Variants in FREM1 observed in about 807,000 individuals in gnomAD.
FREM1 encodes the protein FRAS1 related extracellular matrix 1.
In FREM1, 220 loss-of-function variants were observed where a neutral mutation model predicts 210.1. The observed-to-expected ratio is 1.05, with a 90% CI of 0.94 to 1.17. FREM1 has a LOEUF of 1.17. Among genes scored for constraint, FREM1 ranks in the 50% most tolerant of loss-of-function variants. The probability of loss-of-function intolerance (pLI) is 0.00; values close to 1 mark genes in which losing one functional copy is unlikely to be tolerated. For synonymous variants in FREM1, 1,189 were observed against 980.2 expected (o/e 1.21, Z -3.98); for missense variants, 3,454 against 2,675.5 (o/e 1.29, Z -6.42).
chr9:14,766,671 G>T (rs541540566), intron 27 of FREM1, among the ~76,000 whole-genome samples: 1 of 152,198 alleles, frequency 6.6e-6, no homozygotes, highest in African/African-American at 2.4e-5. Context: ...CTGAACATGG[G>T]TCCTTCCCGT....
At chr9:14,743,575 C>T (rs2131930644) in intron 35 of FREM1, among the ~76,000 whole-genome samples, 1 of 152,132 alleles carries the variant, frequency 6.6e-6, no homozygotes, top group South Asian at 2.1e-4. Context: ...TTATTTTTCT[C>T]ATACATTAAG....
At chr9:14,799,267 C>T (rs1171267327) in intron 20 of FREM1, among the ~76,000 whole-genome samples, 1 of 149,162 alleles carries the variant, frequency 6.7e-6, no homozygotes, top group Non-Finnish European at 1.5e-5. Context: ...GCCTAAGTGA[C>T]AGTGCAAGAC....
intron 6 of FREM1, among the ~76,000 whole-genome samples, chr9:14,850,767 G>C (rs1827569076): frequency 6.6e-6 from 1 of 152,144 alleles, no homozygotes; most frequent in Non-Finnish European, 1.5e-5. Context: ...GTAAACAAAA[G>C]TCATCTCTAA....
chr9:14,746,832 G>A, intron 34 of FREM1, 91 bp downstream of exon 34: 2 of 1,408,458 alleles, frequency 1.4e-6, no homozygotes, highest in Non-Finnish European at 1.9e-6. Context: ...TGTAGCATGG[G>A]TTGAGTCATG....
At position 14,841,458 on chromosome 9, in the gene FREM1, A is replaced by C. The variant is rs749231660; in HGVS notation, c.1870T>G (p.Ser624Ala). 1.2e-6 allele frequency: 2 copies of C among 1,605,494 alleles called. No homozygotes were observed. Among genetic ancestry groups the C allele is most frequent in the Non-Finnish European group, 1.7e-6 (2 of 1,174,266 alleles). The stretch of plus-strand genomic sequence containing the variant: ...AAACAGTCTCTTACCTGTGGCACTG[A>C]AAGATTTGGAGGTTCATGGCTGTCC... Reference protein sequence around the residue: ...LWDSHEPPNLSVPQVATIHIT... With the variant: ...LWDSHEPPNLAVPQVATIHIT... The change falls in exon 10 of 37, where the codon TCA (serine) becomes GCA (alanine). Residue 624 changes from serine (S) to alanine (A), a missense_variant. Coordinates refer to ENST00000380880, the MANE Select transcript of FREM1 (RefSeq NM_001379081.2).
intron 1 of FREM1, among the ~76,000 whole-genome samples, chr9:14,891,042 G>T (rs559280737): frequency 7.9e-5 from 12 of 152,274 alleles, no homozygotes; most frequent in African/African-American, 2.6e-4. Context: ...GACCTACCGT[G>T]GGCATGTACC....
chr9:14,887,458 T>C (rs138015977), intron 1 of FREM1, among the ~76,000 whole-genome samples: 1 of 152,192 alleles, frequency 6.6e-6, no homozygotes, highest in Non-Finnish European at 1.5e-5. Context: ...AAGACACAAC[T>C]GTAAAGCAGA....
intron 28 of FREM1, among the ~76,000 whole-genome samples, chr9:14,757,746 C>T (rs10738377): frequency 1.3e-5 from 2 of 152,080 alleles, no homozygotes; most frequent in East Asian, 3.9e-4. Context: ...ATTCCTACTT[C>T]TATGGCCTCA....
chr9:14,818,546 C>T (rs780845225), intron 14 of FREM1, among the ~76,000 whole-genome samples: 3 of 152,116 alleles, frequency 2.0e-5, no homozygotes, highest in South Asian at 2.1e-4. Flanking sequence ...TGGGTCTACC[C>T]GACCATTGCT....
At position 14,770,683 on chromosome 9, in the gene FREM1, G is replaced by C; in HGVS notation, c.4981C>G (p.Pro1661Ala). Reference protein sequence around the residue: ...ITSRVLKASDPDTEDDQIIFK... With the variant: ...ITSRVLKASDADTEDDQIIFK... ...ATGATCTGATCGTCCTCAGTGTCAG[G>C]GTCTGATGCCTTCAACACGCGGGAA... The change falls in exon 26 of 37, where the codon CCT becomes GCT. Residue 1661 changes from proline to alanine, a missense_variant. By Grantham distance (27) the Pro-to-Ala change is conservative. Transcript: ENST00000380880. 6.2e-7 allele frequency: 1 copy of C among 1,613,420 alleles called. No homozygotes were observed. Among genetic ancestry groups the C allele is most frequent in the Admixed American group, 1.7e-5 (1 of 59,990 alleles).
chr9:14,815,237 G>A (rs1820093617), intron 15 of FREM1, among the ~76,000 whole-genome samples: 1 of 152,294 alleles, frequency 6.6e-6, no homozygotes, highest in African/African-American at 2.4e-5. Context: ...GTAACAAAGA[G>A]TGGAGATGCC....
chr9:14,757,309 C>G (rs1292541020), intron 28 of FREM1, among the ~76,000 whole-genome samples: 2 of 152,236 alleles, frequency 1.3e-5, no homozygotes, highest in African/African-American at 4.8e-5. Context: ...AATCCCAGCA[C>G]TCTGGGAGGC....
intron 10 of FREM1, among the ~76,000 whole-genome samples, chr9:14,825,832 G>A (rs900525216): frequency 4.0e-5 from 6 of 151,748 alleles, no homozygotes; most frequent in Admixed American, 3.3e-4. Flanking sequence ...CACATCCCAC[G>A]CCCAAGTGTC....
intron 24 of FREM1, among the ~76,000 whole-genome samples, chr9:14,777,498 G>C (rs1410478899): frequency 1.3e-5 from 2 of 152,060 alleles, no homozygotes; most frequent in Admixed American, 1.3e-4. Context: ...ATGTACCATA[G>C]TTGCTGGAAA....
chr9:14,829,249 G>A (rs1231817119), intron 10 of FREM1, among the ~76,000 whole-genome samples: 1 of 152,108 alleles, frequency 6.6e-6, no homozygotes, highest in African/African-American at 2.4e-5. Flanking sequence ...TTGCCAAACA[G>A]CTTTTATTAT....
At chr9:14,792,088 C>T (rs765936637) in intron 22 of FREM1, among the ~76,000 whole-genome samples, 7 of 152,124 alleles carry the variant, frequency 4.6e-5, no homozygotes, top group Non-Finnish European at 1.0e-4. Context: ...TGTGATCCGC[C>T]CACCTTGGCC....
chr9:14,907,581 G>A (rs1189959797), intron 1 of FREM1, among the ~76,000 whole-genome samples: 1 of 152,210 alleles, frequency 6.6e-6, no homozygotes, highest in African/African-American at 2.4e-5. Flanking sequence ...ACCTGGCGCA[G>A]GGAAACAGCC....
At chr9:14,751,325 G>GTTT (rs1843343860) in intron 29 of FREM1, among the ~76,000 whole-genome samples, 1 of 152,096 alleles carries the variant, frequency 6.6e-6, no homozygotes, top group Non-Finnish European at 1.5e-5. Flanking sequence ...ATATGATACA[G>GTTT]TTAAACTTTT....
intron 14 of FREM1, among the ~76,000 whole-genome samples, chr9:14,817,544 C>G (rs141154479): frequency 1.3e-5 from 2 of 152,186 alleles, no homozygotes; most frequent in Admixed American, 6.5e-5. Context: ...TCCACATACT[C>G]TCCAGCCCAT....
Sources: gnomAD v4.1 joint callset for allele counts (sites outside exome capture counted in the v4.1 genomes callset) on GRCh38, gnomAD v4.1.1 for gene constraint, MANE v1.5 for transcripts, NCBI Gene and HGNC (gene_info 2026-07-23, HGNC 2026-07-21) for gene names.